Variants in AUTS2 observed in about 807,000 individuals in gnomAD.
The protein encoded by AUTS2 is activator of transcription and developmental regulator AUTS2.
A neutral mutation model predicts 112.4 loss-of-function variants in AUTS2; 17 were observed. That is an observed-to-expected ratio of 0.15 (90% CI 0.10 to 0.23). The LOEUF (loss-of-function observed/expected upper bound fraction) is 0.23, where lower values mean the gene tolerates loss of function less well. Among genes scored for constraint, AUTS2 ranks in the 10% least tolerant of loss-of-function variants. The pLI is 1.00. For synonymous variants in AUTS2, 751 were observed against 702.7 expected, an observed-to-expected ratio of 1.07 and a Z score of -1.09; for missense variants, 1,510 against 1,701.6, an observed-to-expected ratio of 0.89 and a Z score of 1.98.
At chr7:70,118,333 A>T in intron 3 of AUTS2, 100 bp downstream of exon 3, 6 of 1,330,132 alleles carry the variant, frequency 4.5e-6, no homozygotes, top group Non-Finnish European at 5.9e-6. Context: ...ACTTTCCCTC[A>T]TCTTTAGAAC....
At chr7:69,686,242 C>T (rs566836591) in intron 1 of AUTS2, among the ~76,000 whole-genome samples, 5 of 152,264 alleles carry the variant, frequency 3.3e-5, no homozygotes, top group East Asian at 1.9e-4. Flanking sequence ...CGTGAATATA[C>T]GTGGCCTTAT....
At chr7:69,829,107 TCTTGGACAAA>T (rs940840824) in intron 1 of AUTS2, among the ~76,000 whole-genome samples, 2 of 152,160 alleles carry the variant, frequency 1.3e-5, no homozygotes, top group Non-Finnish European at 2.9e-5. Flanking sequence ...AACCAGCTGA[TCTTGGACAAA>T]CTTGGCCAAA....
At chr7:70,641,802 G>T (rs756176414) in intron 5 of AUTS2, among the ~76,000 whole-genome samples, 3 of 152,198 alleles carry the variant, frequency 2.0e-5, no homozygotes, top group Non-Finnish European at 4.4e-5. Flanking sequence ...CATAAGTGAT[G>T]ATATGCTATA....
At chr7:70,127,162 TCTTTTTA>T (rs1806021168) in intron 3 of AUTS2, among the ~76,000 whole-genome samples, 1 of 151,104 alleles carries the variant, frequency 6.6e-6, no homozygotes, top group African/African-American at 2.5e-5. Context: ...CTTTGCTTAT[TCTTTTTA>T]TTTATTTAAA....
chr7:70,116,736 T>G lies in AUTS2; in HGVS notation c.523-1396T>G, dbSNP rs183250598. Among the ~76,000 whole-genome samples the G allele has an allele frequency of 3.6e-3, 550 of 152,356 alleles. 2 individuals carry two copies. The highest frequency in any genetic ancestry group is 0.013 in the African/African-American group (520 of 41,584). Reference sequence around the variant, plus strand: ...ATCTTTCACTGTCCTCTCAGCCATATGAGTTTAATCTACTTTTAAAATCCA... The same window carrying G: ...ATCTTTCACTGTCCTCTCAGCCATAGGAGTTTAATCTACTTTTAAAATCCA... On this transcript the variant is annotated intron_variant, in intron 2 of 18. Coordinates refer to ENST00000342771, the MANE Select transcript of AUTS2 (RefSeq NM_015570.4).
intron 5 of AUTS2, among the ~76,000 whole-genome samples, chr7:70,546,489 T>C (rs1278867413): frequency 6.9e-6 from 1 of 145,604 alleles, no homozygotes; most frequent in Non-Finnish European, 1.5e-5. Context: ...ATTATAAAAA[T>C]CATTCAGGGC....
intron 2 of AUTS2, among the ~76,000 whole-genome samples, chr7:69,903,766 A>C: frequency 6.6e-6 from 1 of 152,194 alleles, no homozygotes. Flanking sequence ...ATTTTAGAGG[A>C]AAATGGAGGA....
At chr7:69,837,088 G>A (rs1324094209) in intron 1 of AUTS2, among the ~76,000 whole-genome samples, 1 of 152,140 alleles carries the variant, frequency 6.6e-6, no homozygotes, top group Admixed American at 6.6e-5. Flanking sequence ...ATCAGGGTTA[G>A]CTCCTGGCCT....
intron 1 of AUTS2, among the ~76,000 whole-genome samples, chr7:69,704,679 C>T (rs912693335): frequency 6.6e-6 from 1 of 152,118 alleles, no homozygotes; most frequent in Non-Finnish European, 1.5e-5. Flanking sequence ...AGCCACCCTG[C>T]AGTAGTAGGG....
intron 2 of AUTS2, among the ~76,000 whole-genome samples, chr7:70,018,259 T>G (rs1241498187): frequency 6.6e-6 from 1 of 152,184 alleles, no homozygotes; most frequent in African/African-American, 2.4e-5. Context: ...TCCTTTAACT[T>G]TTCTATATTC....
chr7:69,729,092 A>G (rs1007656201), intron 1 of AUTS2, among the ~76,000 whole-genome samples: 3 of 152,104 alleles, frequency 2.0e-5, no homozygotes, highest in African/African-American at 7.2e-5. Context: ...ACCATGTCCA[A>G]TTCCAAACCT....
At chr7:70,498,971 T>C (rs1798667399) in intron 5 of AUTS2, among the ~76,000 whole-genome samples, 1 of 152,130 alleles carries the variant, frequency 6.6e-6, no homozygotes, top group Non-Finnish European at 1.5e-5. Context: ...ACCGAACCTT[T>C]GTGGAAGAGG....
At chr7:70,056,337 G>C (rs1350235756) in intron 2 of AUTS2, among the ~76,000 whole-genome samples, 1 of 152,140 alleles carries the variant, frequency 6.6e-6, no homozygotes, top group Non-Finnish European at 1.5e-5. Context: ...TGCATGCCTA[G>C]ATGTATCTTC....
chr7:69,867,049 T>C (rs1793267548), intron 1 of AUTS2, among the ~76,000 whole-genome samples: 2 of 152,196 alleles, frequency 1.3e-5, no homozygotes, highest in Non-Finnish European at 2.9e-5. Flanking sequence ...AGCTTCAGCC[T>C]TTAGGATTGT....
intron 1 of AUTS2, among the ~76,000 whole-genome samples, chr7:69,658,341 A>G (rs977404039): frequency 2.6e-5 from 4 of 152,266 alleles, no homozygotes; most frequent in Non-Finnish European, 4.4e-5. Context: ...ATCTGAGTTT[A>G]CAAATAGAGT....
At chr7:70,783,471 G>A (rs1050235996) in intron 15 of AUTS2, 24 of 152,214 alleles carry the variant, frequency 1.6e-4, no homozygotes, top group Non-Finnish European at 2.5e-4. Flanking sequence ...TTAACAGAGT[G>A]TAGACAGCAA....
chr7:70,500,879 C>T (rs529227294), intron 5 of AUTS2, among the ~76,000 whole-genome samples: 8 of 152,134 alleles, frequency 5.3e-5, no homozygotes, highest in Non-Finnish European at 8.8e-5. Flanking sequence ...TCCGCCACCA[C>T]GCCCAGTTGA....
chr7:70,551,056 A>G (rs757884126), intron 5 of AUTS2, among the ~76,000 whole-genome samples: 5 of 152,192 alleles, frequency 3.3e-5, no homozygotes, highest in Non-Finnish European at 7.3e-5. Flanking sequence ...ACAGAGGCCA[A>G]CTGAAAGAGC....
chr7:70,581,237 T>A (rs1010065132), intron 5 of AUTS2, among the ~76,000 whole-genome samples: 4 of 151,708 alleles, frequency 2.6e-5, no homozygotes, highest in African/African-American at 4.8e-5. Flanking sequence ...TACAAAAAAA[T>A]TTGCCGGGCA....
Sources: gnomAD v4.1 joint callset for allele counts (sites outside exome capture counted in the v4.1 genomes callset) on GRCh38, gnomAD v4.1.1 for gene constraint, MANE v1.5 for transcripts, NCBI Gene and HGNC (gene_info 2026-07-23, HGNC 2026-07-21) for gene names.